CPZ: variants seen among roughly 807,000 people sequenced by gnomAD.
CPZ encodes VEZT/CPZ fusion.
A neutral mutation model predicts 61.8 loss-of-function variants in CPZ; 103 were observed. The ratio of observed to expected loss-of-function variants is 1.67; its 90% CI spans 1.42 to 1.96. CPZ has a LOEUF of 1.96. Ranked by LOEUF, CPZ falls within the 30% of genes most tolerant of loss-of-function variation. CPZ has a pLI of 0.00. For missense variants in CPZ, 1,461 were observed against 914.9 expected, an observed-to-expected ratio of 1.60 and a Z score of -7.70; for synonymous variants, 551 against 373.7, an observed-to-expected ratio of 1.47 and a Z score of -5.47.
chr4:8,615,768 CCT>C (rs1446859570), intron 9 of CPZ, among the ~76,000 whole-genome samples: 2 of 152,170 alleles, frequency 1.3e-5, no homozygotes, highest in Admixed American at 6.5e-5. Flanking sequence ...CTTCCCAAGC[CCT>C]CTGTCCATGA....
Position 8,601,225 on chromosome 4 carries a change from C to A in CPZ, c.224C>A (p.Ala75Asp), listed in dbSNP as rs1484401139. Residue 75 changes from alanine to aspartate, a missense_variant, in exon 3 of 11, where the codon GCC becomes GAC. Physicochemically the swap from Ala to Asp is moderately radical, Grantham distance 126 (BLOSUM62 -2). Transcript: ENST00000360986. ...LQHRSWEVVEASSEYILLSVL... is the reference protein window; with the variant it reads ...LQHRSWEVVEDSSEYILLSVL... The stretch of plus-strand genomic sequence containing the variant: ...CACCGGTCGTGGGAGGTGGTGGAGG[C>A]CAGCTCCGAGTACATCCTGCTGAGC... 14 of 1,613,278 alleles carry A rather than the reference C, an allele frequency of 8.7e-6. No homozygotes were observed. The Middle Eastern group carries it at 9.9e-4, about 114-fold the overall frequency.
intron 7 of CPZ, chr4:8,611,289 A>C (rs1258734830): frequency 2.2e-6 from 1 of 456,192 alleles, no homozygotes; most frequent in Non-Finnish European, 4.4e-6. Flanking sequence ...GGACTTACAG[A>C]CGGCCCAGAG....
Position 8,606,128 on chromosome 4 carries a change from C to T in CPZ, c.849C>T (p.Thr283=). ...GCATCCAGCGCCTGCTCAACACCACCCGCATCCACCTGCTGCCCTCCATGA... is the reference window on the plus strand; with the variant it reads ...GCATCCAGCGCCTGCTCAACACCACTCGCATCCACCTGCTGCCCTCCATGA... ...NPRIQRLLNT[T]RIHLLPSMNP... is the part of the protein sequence containing the mutation. Residue 283 remains threonine (T), a synonymous_variant, in exon 5 of 11, where the codon ACC becomes ACT. Transcript: ENST00000360986. 1.2e-6 allele frequency: 2 copies of T among 1,614,080 alleles called. No homozygotes were observed. The highest frequency in any genetic ancestry group is 8.5e-7 in the Non-Finnish European group (1 of 1,179,920).
At chr4:8,596,379 G>A (rs549222203) in intron 1 of CPZ, among the ~76,000 whole-genome samples, 62 of 152,338 alleles carry the variant, frequency 4.1e-4, no homozygotes, top group African/African-American at 1.4e-3. Context: ...CATGGTGGGC[G>A]CTTTGCTAGG....
At position 8,605,322 on chromosome 4, in the gene CPZ, T is replaced by TCATCCATCTATCCATCCATC. The variant is rs1553876713; in HGVS notation, c.710-659_710-658insTATCCATCCATCCATCCATC. Among the ~76,000 whole-genome samples the TCATCCATCTATCCATCCATC allele has an allele frequency of 3.9e-3, 592 of 150,094 alleles. 2 individuals are homozygous for TCATCCATCTATCCATCCATC. In the South Asian group the frequency reaches 0.04, roughly 10 times the overall value. On this transcript the variant is annotated intron_variant, in intron 4 of 10. Transcript: ENST00000360986. ...TTCTTCCTATAGTCCATTCATTTAT[T>TCATCCATCTATCCATCCATC]CATCCATCCATCCATCCATCCATCC...
intron 3 of CPZ, 125 bp downstream of exon 3, chr4:8,601,622 G>A: frequency 9.2e-7 from 1 of 1,091,572 alleles, no homozygotes; most frequent in Non-Finnish European, 1.2e-6. Context: ...ATTGGTAGAG[G>A]GCGGGGCTGC....
intron 7 of CPZ, among the ~76,000 whole-genome samples, chr4:8,608,220 G>A (rs1715216368): frequency 6.7e-6 from 1 of 149,782 alleles, no homozygotes; most frequent in Non-Finnish European, 1.5e-5. Flanking sequence ...TCCACCGGAG[G>A]CTGGGCCTGC....
At position 8,618,502 on chromosome 4, in the gene CPZ, A is replaced by C. The variant is rs766074511; in HGVS notation, c.1577A>C (p.Lys526Thr). The change falls in exon 10 of 11, where the codon AAA (lysine) becomes ACA (threonine). Residue 526 changes from lysine (K) to threonine (T), a missense_variant. Lys to Thr is a moderately conservative substitution (Grantham distance 78, BLOSUM62 -1). Transcript: ENST00000360986. The part of the protein sequence containing the change: ...KPVKNARISV[K>T]GIRHDITTAP... ...GTCAAAAACGCCCGGATCTCAGTCA[A>C]AGGCATTCGCCACGACATCACCACA... 6.2e-7 allele frequency: 1 copy of C among 1,614,102 alleles called. No homozygotes were observed. Among genetic ancestry groups the C allele is most frequent in the Non-Finnish European group, 8.5e-7 (1 of 1,180,030 alleles).
At chr4:8,606,928 C>A in intron 6 of CPZ, 30 bp downstream of exon 6, 1 of 1,563,520 alleles carries the variant, frequency 6.4e-7, no homozygotes, top group Non-Finnish European at 8.7e-7. Context: ...ATGCTGGTCT[C>A]CACCAAGGCA....
chr4:8,609,653 C>G lies in CPZ; in HGVS notation c.1227+2228C>G, dbSNP rs544478816. ...CAGCCTCAGAGCTGGCAGGGCAGGG[C>G]AGGCATCCCCTCTGCACTGGCCCAG... On this transcript the variant is annotated intron_variant, in intron 7 of 10. Transcript: ENST00000360986. Among the ~76,000 whole-genome samples the G allele has an allele frequency of 4.6e-5, 7 of 152,200 alleles. No individual in the cohort carries two copies. In the South Asian group the frequency reaches 1.5e-3, roughly 32 times the overall value.
rs759863980 is a variant in CPZ, at chr4:8,606,081, G to A, written c.802G>A (p.Glu268Lys). ...CTACCTAGCCCAGTACCTGTGCTCT[G>A]AGTACCTGCTTGGTAACCCCCGCAT... is the stretch of plus-strand genomic sequence containing the variant. Reference protein sequence around the residue: ...LIYLAQYLCSEYLLGNPRIQR... With the variant: ...LIYLAQYLCSKYLLGNPRIQR... The change falls in exon 5 of 11, where the codon GAG becomes AAG. Residue 268 changes from glutamate (E) to lysine (K), a missense_variant. By Grantham distance (56) the Glu-to-Lys change is moderately conservative. Coordinates refer to ENST00000360986, the MANE Select transcript of CPZ (RefSeq NM_001014447.3). 3.7e-6 allele frequency: 6 copies of A among 1,614,194 alleles called. No individual in the cohort carries two copies. The highest frequency in any genetic ancestry group is 5.1e-6 in the Non-Finnish European group (6 of 1,180,022).
chr4:8,614,230 C>T (rs557223835), intron 8 of CPZ, 129 bp from the exon 9 acceptor site: 127 of 1,296,480 alleles, frequency 9.8e-5, no homozygotes, highest in Admixed American at 9.3e-4. Context: ...GACACCCCGA[C>T]GTCCCGGCTG....
intron 7 of CPZ, among the ~76,000 whole-genome samples, chr4:8,609,850 A>G (rs181089264): frequency 2.6e-5 from 4 of 152,266 alleles, no homozygotes; most frequent in East Asian, 1.9e-4. Context: ...GGGTCCCAGG[A>G]GAGGCCTGGG....
In CPZ at chr4:8,612,160, G is replaced by A. The variant is rs1049124519; in HGVS notation, c.1361G>A (p.Gly454Glu). 2 of 1,490,460 alleles carry A rather than the reference G, an allele frequency of 1.3e-6. No homozygotes were observed. Among genetic ancestry groups the A allele is most frequent in the Non-Finnish European group, 1.8e-6 (2 of 1,115,660 alleles). 92.3% of individuals were successfully genotyped at this position (1,490,460 alleles called of 1,614,324 possible). Reference sequence around the variant, plus strand: ...GGGGCGGACTGGTACAGCTTCACGGGAGGTGCGGCTTCCGCAGGGCGGGAC... The same window carrying A: ...GGGGCGGACTGGTACAGCTTCACGGAAGGTGCGGCTTCCGCAGGGCGGGAC... Reference protein sequence around the residue: ...INGADWYSFTGGMSDFNYLHT... With the variant: ...INGADWYSFTEGMSDFNYLHT... The change falls in exon 8 of 11, where the codon GGA becomes GAA. Residue 454 changes from glycine (G) to glutamate (E), a missense_variant and splice_region_variant. Coordinates refer to ENST00000360986, the MANE Select transcript of CPZ (RefSeq NM_001014447.3).
intron 1 of CPZ, among the ~76,000 whole-genome samples, chr4:8,595,557 C>T (rs1714118493): frequency 1.3e-5 from 2 of 152,226 alleles, no homozygotes; most frequent in African/African-American, 4.8e-5. Context: ...AAAGGCCCAG[C>T]CACATCATGG....
In CPZ at chr4:8,604,155, G is replaced by T; in HGVS notation, c.676G>T (p.Glu226Ter). 1 of 1,579,064 alleles carries T rather than the reference G, an allele frequency of 6.3e-7. No homozygotes were observed. Among genetic ancestry groups the T allele is most frequent in the South Asian group, 1.1e-5 (1 of 87,048 alleles). ...CGACGGCAGGGAGCTGCTGGTCATC[G>T]AGTTCTCCAGCCGCCCCGGCCAGCA... ...SFDGRELLVI[E>*]FSSRPGQHEL... The change falls in exon 4 of 11, where the codon GAG becomes TAG. Residue 226 changes from glutamate to a stop codon, truncating the protein, a stop_gained. Transcript: ENST00000360986. LOFTEE classifies it high-confidence loss of function.
In CPZ at chr4:8,605,066, G is replaced by A. The variant is rs147436682; in HGVS notation, c.709+878G>A. 3.9e-5 allele frequency among the ~76,000 whole-genome samples: 6 copies of A among 152,358 alleles called. No homozygotes were observed. The East Asian group carries it at 1.2e-3, about 29-fold the overall frequency. ...GAATTTGAGGGCAAGAGGTGCCCCT[G>A]TGCAGAAGGCCAAGGGAGGTAACCA... On this transcript the variant is annotated intron_variant, in intron 4 of 10. Transcript: ENST00000360986.
At chr4:8,607,829 C>T (rs772801591) in intron 7 of CPZ, among the ~76,000 whole-genome samples, 13 of 152,138 alleles carry the variant, frequency 8.5e-5, no homozygotes, top group East Asian at 1.9e-4. Context: ...GCATGCTGCC[C>T]GCCCGTCCTG....
At chr4:8,614,718 G>A (rs1716018182) in intron 9 of CPZ, among the ~76,000 whole-genome samples, 1 of 152,238 alleles carries the variant, frequency 6.6e-6, no homozygotes, top group African/African-American at 2.4e-5. Context: ...GCGGTGCCAT[G>A]TGTTGGAGTC....
Sources: gnomAD v4.1 joint callset for allele counts (sites outside exome capture counted in the v4.1 genomes callset) on GRCh38, gnomAD v4.1.1 for gene constraint, MANE v1.5 for transcripts, NCBI Gene and HGNC (gene_info 2026-07-23, HGNC 2026-07-21) for gene names.